CCDC171: variants seen among roughly 807,000 people sequenced by gnomAD.
The protein encoded by CCDC171 is coiled-coil domain-containing protein 171.
Under a neutral mutation model 168.2 loss-of-function variants are expected in CCDC171, and 177 were observed. The observed-to-expected ratio is 1.05, with a 90% CI of 0.93 to 1.19. The LOEUF (loss-of-function observed/expected upper bound fraction) is 1.19. CCDC171 is among the 50% of genes most tolerant of loss of function. The pLI is 0.00. For missense variants in CCDC171, 1,991 were observed against 1,539.0 expected, an observed-to-expected ratio of 1.29 and a Z score of -4.91; for synonymous variants, 687 against 540.8, an observed-to-expected ratio of 1.27 and a Z score of -3.75.
At chr9:15,850,860 G>A (rs2061096106) in intron 23 of CCDC171, among the ~76,000 whole-genome samples, 1 of 151,910 alleles carries the variant, frequency 6.6e-6, no homozygotes, top group South Asian at 2.1e-4. Flanking sequence ...GCTCTTTCAT[G>A]GGATGGTAAA....
At chr9:15,999,491 G>T (rs1832476198) in intron 3 of CCDC171, among the ~76,000 whole-genome samples, 3 of 152,108 alleles carry the variant, frequency 2.0e-5, no homozygotes, top group Admixed American at 2.0e-4. Flanking sequence ...ATCAGAACAA[G>T]GTTGAAGCAC....
At chr9:15,696,774 T>C (rs1025746237) in intron 11 of CCDC171, among the ~76,000 whole-genome samples, 1 of 152,256 alleles carries the variant, frequency 6.6e-6, no homozygotes, top group Non-Finnish European at 1.5e-5. Context: ...CAGAAGTTAT[T>C]ACTAAGCCTA....
chr9:15,568,200 T>C (rs151123175), intron 2 of CCDC171, among the ~76,000 whole-genome samples: 1 of 152,258 alleles, frequency 6.6e-6, no homozygotes, highest in Non-Finnish European at 1.5e-5. Flanking sequence ...TACTTCTTCT[T>C]TTCCAGTATG....
chr9:15,722,587 G>A (rs2053554750), intron 12 of CCDC171, among the ~76,000 whole-genome samples: 1 of 152,148 alleles, frequency 6.6e-6, no homozygotes, highest in Admixed American at 6.5e-5. Flanking sequence ...AGTTAGCAAA[G>A]CAACAAACAG....
chr9:15,697,187 A>G (rs1319204939), intron 11 of CCDC171, among the ~76,000 whole-genome samples: 1 of 152,150 alleles, frequency 6.6e-6, no homozygotes, highest in Non-Finnish European at 1.5e-5. Flanking sequence ...CCTCTGCTCC[A>G]CTGCATTTTT....
rs1429230587 is a variant in CCDC171 at position 15,820,600 on chromosome 9, A to C, written c.3268-26102A>C. ...CTAGAAAATCTAGAAGAAATGGATA[A>C]ATTCCTCGACACATACACCCTCCTA... On this transcript the variant is annotated intron_variant, in intron 21 of 25. Transcript: ENST00000380701. 1.0e-4 allele frequency among the ~76,000 whole-genome samples: 12 copies of C among 117,902 alleles called. 4 individuals carry two copies. The highest frequency in any genetic ancestry group is 3.8e-4 in the African/African-American group (12 of 31,338). 77.3% of individuals were successfully genotyped at this position (117,902 alleles called of 152,430 possible).
In CCDC171 at chr9:15,920,307, C is replaced by T; in HGVS notation, c.3638C>T (p.Ala1213Val). ...IKSFMDVYQL[A>V]STRIMTLEKE... Reference sequence around the variant, plus strand: ...AGTTTCATGGATGTCTACCAGCTTGCAAGCACTAGAATCATGACATTAGAG... The same window carrying T: ...AGTTTCATGGATGTCTACCAGCTTGTAAGCACTAGAATCATGACATTAGAG... The change falls in exon 25 of 26, where the codon GCA becomes GTA. Residue 1213 changes from alanine (A) to valine (V), a missense_variant. Transcript: ENST00000380701. The T allele has an allele frequency of 6.2e-7, 1 of 1,602,760 alleles. No homozygotes were observed. Among genetic ancestry groups the T allele is most frequent in the East Asian group, 2.2e-5 (1 of 44,630 alleles).
chr9:16,063,234 G>A (rs1181175464), downstream of CCDC171, among the ~76,000 whole-genome samples: 4 of 152,168 alleles, frequency 2.6e-5, no homozygotes, highest in African/African-American at 2.4e-5. Flanking sequence ...GTGAGCAGAA[G>A]ACACCATGTA....
At chr9:15,963,538 C>T (rs1053377482) in intron 25 of CCDC171, among the ~76,000 whole-genome samples, 1 of 152,180 alleles carries the variant, frequency 6.6e-6, no homozygotes, top group Non-Finnish European at 1.5e-5. Context: ...ATGTCCCTAA[C>T]TACATGGCAT....
At chr9:15,778,392 A>ACATGC (rs1218386462) in intron 19 of CCDC171, among the ~76,000 whole-genome samples, 1 of 147,732 alleles carries the variant, frequency 6.8e-6, no homozygotes, top group East Asian at 2.0e-4. Context: ...TAATCCCAGT[A>ACATGC]CTTTGGGAGG....
intron 8 of CCDC171, among the ~76,000 whole-genome samples, chr9:15,658,683 G>A (rs759825127): frequency 2.6e-5 from 4 of 152,060 alleles, no homozygotes; most frequent in African/African-American, 4.8e-5. Context: ...CAGAAGCAGA[G>A]GTCAGAGTAG....
chr9:15,833,714 G>T, intron 21 of CCDC171, among the ~76,000 whole-genome samples: 1 of 152,178 alleles, frequency 6.6e-6, no homozygotes, highest in East Asian at 1.9e-4. Flanking sequence ...ATTTGTCCTT[G>T]CATTAGATAA....
intron 25 of CCDC171, among the ~76,000 whole-genome samples, chr9:15,962,909 A>T (rs1830481374): frequency 6.6e-6 from 1 of 151,346 alleles, no homozygotes; most frequent in Non-Finnish European, 1.5e-5. Context: ...ATATATGTAT[A>T]TATATATACA....
the CCDC171 span, among the ~76,000 whole-genome samples, chr9:16,081,865 A>C: frequency 1.3e-5 from 2 of 152,062 alleles, no homozygotes; most frequent in East Asian, 3.9e-4. Flanking sequence ...TAAAAAAAAA[A>C]ACCCAGGACA....
At chr9:16,080,490 C>T in the CCDC171 span, among the ~76,000 whole-genome samples, 1 of 152,162 alleles carries the variant, frequency 6.6e-6, no homozygotes, top group Non-Finnish European at 1.5e-5. Context: ...GAATCATGCT[C>T]AGCTCAAAAG....
At chr9:15,602,838 A>G (rs2042960928) in intron 6 of CCDC171, among the ~76,000 whole-genome samples, 1 of 150,984 alleles carries the variant, frequency 6.6e-6, no homozygotes, top group Non-Finnish European at 1.5e-5. Context: ...TTGTATTTTT[A>G]GTAGAGACGG....
intron 11 of CCDC171, among the ~76,000 whole-genome samples, chr9:15,715,216 CGT>C (rs2052992148): frequency 6.6e-6 from 1 of 152,114 alleles, no homozygotes; most frequent in South Asian, 2.1e-4. Context: ...TCCCAAGAGA[CGT>C]AGTTAGAGAG....
At chr9:15,796,584 G>C (rs1410279239) in intron 21 of CCDC171, among the ~76,000 whole-genome samples, 2 of 152,156 alleles carry the variant, frequency 1.3e-5, no homozygotes, top group African/African-American at 4.8e-5. Flanking sequence ...AGTGCCTTTT[G>C]ACAAATGTAT....
intron 7 of CCDC171, among the ~76,000 whole-genome samples, chr9:15,651,254 G>A (rs1222460839): frequency 6.6e-6 from 1 of 151,950 alleles, no homozygotes; most frequent in East Asian, 1.9e-4. Context: ...GATTACAGGT[G>A]CCCGCTACGA....
Sources: allele counts gnomAD v4.1 joint callset (sites outside exome capture counted in the v4.1 genomes callset), GRCh38; gene constraint gnomAD v4.1.1; transcripts MANE v1.5; gene names NCBI Gene and HGNC (gene_info 2026-07-23, HGNC 2026-07-21).